The following ROS1 variants were observed in gnomAD, a reference collection of about 807,000 sequenced individuals.
ROS1 encodes the protein ROS proto-oncogene 1, receptor tyrosine kinase, also known as proto-oncogene tyrosine-protein kinase ROS.
ROS1 carries 263 observed loss-of-function variants against 273.5 expected under a neutral mutation model. The ratio of observed to expected loss-of-function variants is 0.96; its 90% CI spans 0.87 to 1.06. The LOEUF (loss-of-function observed/expected upper bound fraction) is 1.06, where lower values mean the gene tolerates loss of function less well. Among genes scored for constraint, ROS1 ranks in the 50% least tolerant of loss-of-function variants. The pLI is 0.00. For synonymous variants in ROS1, 1,008 were observed against 954.1 expected, an observed-to-expected ratio of 1.06 and a Z score of -1.04; for missense variants, 2,833 against 2,751.1, an observed-to-expected ratio of 1.03 and a Z score of -0.67.
chr6:117,359,264 A>T (rs1779586505), intron 24 of ROS1, among the ~76,000 whole-genome samples: 1 of 152,196 alleles, frequency 6.6e-6, no homozygotes, highest in African/African-American at 2.4e-5. Context: ...CAGTTATCCT[A>T]GTCTGTCTTC....
At chr6:117,314,323 G>C (rs1775750312) in intron 39 of ROS1, among the ~76,000 whole-genome samples, 1 of 152,024 alleles carries the variant, frequency 6.6e-6, no homozygotes, top group South Asian at 2.1e-4. Flanking sequence ...ATGGAGGAGT[G>C]GTAATTTAGC....
At chr6:117,359,238 C>G (rs1010740202) in intron 24 of ROS1, among the ~76,000 whole-genome samples, 7 of 152,214 alleles carry the variant, frequency 4.6e-5, no homozygotes, top group African/African-American at 1.7e-4. Flanking sequence ...TCCACCACAT[C>G]CTGCTCTCAG....
intron 18 of ROS1, among the ~76,000 whole-genome samples, chr6:117,376,786 A>T (rs1781363711): frequency 1.3e-5 from 2 of 152,178 alleles, no homozygotes. Context: ...GGAGAGATAC[A>T]CCATTTTCAT....
In ROS1 at chr6:117,344,139, C is replaced by T. The variant is rs1257469550; in HGVS notation, c.4427G>A (p.Ser1476Asn). ...ATAAACCAGGTATGTTGGAGTAGGG[C>T]TGGTGATGCCATACCATGTGAGGTT... Reference protein sequence around the residue: ...KTNLTWYGITSPTPTYLVYYA... With the variant: ...KTNLTWYGITNPTPTYLVYYA... Residue 1476 changes from serine (S) to asparagine (N), a missense_variant, in exon 28 of 44, where the codon AGC becomes AAC. Coordinates refer to ENST00000368507, the MANE Select transcript of ROS1 (RefSeq NM_001378902.1). 6.2e-7 allele frequency: 1 copy of T among 1,613,998 alleles called. No individual in the cohort carries two copies. The highest frequency in any genetic ancestry group is 2.2e-5 in the East Asian group (1 of 44,864).
chr6:117,419,194 C>T (rs1775566269), intron 1 of ROS1, among the ~76,000 whole-genome samples: 1 of 152,156 alleles, frequency 6.6e-6, no homozygotes, highest in Admixed American at 6.5e-5. Flanking sequence ...TGCTTTCTAT[C>T]CATTTGGCTC....
chr6:117,411,983 C>G (rs1039183161), intron 4 of ROS1, among the ~76,000 whole-genome samples: 10 of 152,090 alleles, frequency 6.6e-5, no homozygotes, highest in Admixed American at 6.5e-4. Context: ...TAGGGTGATC[C>G]AAGCCAAGAC....
At chr6:117,293,579 T>A (rs1436616300) in intron 43 of ROS1, among the ~76,000 whole-genome samples, 1 of 152,076 alleles carries the variant, frequency 6.6e-6, no homozygotes, top group Non-Finnish European at 1.5e-5. Context: ...TTTTTTATAA[T>A]AAACATAAAT....
At chr6:117,391,578 G>GGACAATA (rs1773071671) in intron 12 of ROS1, among the ~76,000 whole-genome samples, 1 of 152,170 alleles carries the variant, frequency 6.6e-6, no homozygotes, top group African/African-American at 2.4e-5. Context: ...TCTAATACCA[G>GGACAATA]GACAATACAC....
chr6:117,344,187 A>G lies in ROS1; in HGVS notation c.4379T>C (p.Ile1460Thr). 2 of 1,614,018 alleles carry G rather than the reference A, an allele frequency of 1.2e-6. No homozygotes were observed. ...ILNATNTSLT[I>T]RLPLAKTNLT... ...GTTTGTCTTGGCCAGAGGTAATCTG[A>G]TTGTGAGGCTAGTGTTAGTGGCATT... The change falls in exon 28 of 44, where the codon ATC (isoleucine) becomes ACC (threonine). Residue 1460 changes from isoleucine to threonine, a missense_variant. Transcript: ENST00000368507.
intron 7 of ROS1, 75 bp from the exon 8 acceptor site, chr6:117,397,191 G>GT: frequency 1.0e-6 from 1 of 1,000,174 alleles, no homozygotes; most frequent in Non-Finnish European, 1.5e-6. Context: ...ATGGAAAAAA[G>GT]TCTTGTTTTT....
chr6:117,383,348 A>G lies in ROS1; in HGVS notation c.2450T>C (p.Leu817Pro), dbSNP rs924426086. Residue 817 changes from leucine (L) to proline (P), a missense_variant, in exon 17 of 44, where the codon CTA (leucine) becomes CCA (proline). Physicochemically the swap from Leu to Pro is moderately conservative, Grantham distance 98. Coordinates refer to ENST00000368507, the MANE Select transcript of ROS1 (RefSeq NM_001378902.1). ...CCCAGAAAACCAAGGCTGTGTCTGT[A>G]GTACAAGGGAACTTTCCCCATTTAG... ...TRLNGESSLV[L>P]QTQPWFSGKK... 1 of 1,613,984 alleles carries G rather than the reference A, an allele frequency of 6.2e-7. No individual in the cohort carries two copies. Among genetic ancestry groups the G allele is most frequent in the Non-Finnish European group, 8.5e-7 (1 of 1,179,876 alleles).
intron 27 of ROS1, among the ~76,000 whole-genome samples, chr6:117,346,525 A>G (rs1582689836): frequency 6.6e-6 from 1 of 150,618 alleles, no homozygotes; most frequent in Non-Finnish European, 1.5e-5. Context: ...GGCTGGGAGG[A>G]GGATATGTGT....
At chr6:117,293,436 T>C (rs1269721493) in intron 43 of ROS1, among the ~76,000 whole-genome samples, 2 of 152,200 alleles carry the variant, frequency 1.3e-5, no homozygotes, top group African/African-American at 4.8e-5. Flanking sequence ...TGAGCATTTC[T>C]GTAAATGGCT....
At chr6:117,354,548 C>T (rs1345167217) in intron 26 of ROS1, among the ~76,000 whole-genome samples, 3 of 152,156 alleles carry the variant, frequency 2.0e-5, no homozygotes, top group Non-Finnish European at 4.4e-5. Flanking sequence ...AAAGCTTAAA[C>T]AGACTTCCTT....
intron 24 of ROS1, 138 bp from the exon 25 acceptor site, chr6:117,358,147 C>T (rs1779486856): frequency 3.3e-6 from 2 of 609,052 alleles, no homozygotes; most frequent in Admixed American, 5.9e-5. Flanking sequence ...GGACGGTATA[C>T]CATTGTAACA....
In ROS1 at chr6:117,308,400, T is replaced by C. The variant is rs547949708; in HGVS notation, c.6551+394A>G. On this transcript the variant is annotated intron_variant, in intron 42 of 43. Transcript: ENST00000368507. The stretch of plus-strand genomic sequence containing the variant: ...TTTTTAACAATATATTCCCATTTAG[T>C]ATAATATTTTAATATGTAGATTAAG... 2.0e-5 allele frequency among the ~76,000 whole-genome samples: 3 copies of C among 152,184 alleles called. No homozygotes were observed. In the South Asian group the frequency reaches 6.2e-4, roughly 32 times the overall value.
At chr6:117,381,253 T>C (rs1772115129) in intron 17 of ROS1, among the ~76,000 whole-genome samples, 1 of 151,662 alleles carries the variant, frequency 6.6e-6, no homozygotes, top group African/African-American at 2.4e-5. Flanking sequence ...CTTCAATAGC[T>C]TTTTGGGGTA....
intron 43 of ROS1, among the ~76,000 whole-genome samples, chr6:117,292,558 ACT>A (rs953718742): frequency 5.3e-5 from 8 of 151,204 alleles, no homozygotes. Context: ...CCCACTTGTC[ACT>A]CTCTTCTTAT....
chr6:117,311,242 G>T (rs1189572608), intron 39 of ROS1, 125 bp from the exon 40 acceptor site: 1 of 459,438 alleles, frequency 2.2e-6, no homozygotes, highest in Non-Finnish European at 3.8e-6. Flanking sequence ...GTTTTAAAGG[G>T]ATTTTTAGTT....
Sources: gnomAD v4.1 joint callset for allele counts (sites outside exome capture counted in the v4.1 genomes callset) on GRCh38, gnomAD v4.1.1 for gene constraint, MANE v1.5 for transcripts, NCBI Gene and HGNC (gene_info 2026-07-23, HGNC 2026-07-21) for gene names.